Variants in CYP4X1 observed in about 807,000 individuals in gnomAD.
CYP4X1 encodes cytochrome P450 4X1.
Under a neutral mutation model 57.9 loss-of-function variants are expected in CYP4X1, and 44 were observed. That is an observed-to-expected ratio of 0.76 (90% confidence interval 0.60 to 0.98). The LOEUF (loss-of-function observed/expected upper bound fraction) is 0.98, where lower values mean the gene tolerates loss of function less well. CYP4X1 is among the 50% of genes least tolerant of loss of function. CYP4X1 has a pLI of 0.00. For missense variants in CYP4X1, 532 were observed against 623.9 expected (o/e 0.85, Z 1.57); for synonymous variants, 227 against 228.6 (o/e 0.99, Z 0.06).
intron 6 of CYP4X1, among the ~76,000 whole-genome samples, chr1:47,038,241 T>C (rs1644206954): frequency 6.6e-6 from 1 of 152,190 alleles, no homozygotes; most frequent in Non-Finnish European, 1.5e-5. Flanking sequence ...AAATAAATAT[T>C]ACCTCTGTTC....
At chr1:46,965,091 T>C in the CYP4X1 span, among the ~76,000 whole-genome samples, 2 of 152,168 alleles carry the variant, frequency 1.3e-5, no homozygotes, top group Admixed American at 1.3e-4. Flanking sequence ...ATCAGAAAAG[T>C]GCAGTATTAG....
At position 47,050,002 on chromosome 1, in the gene CYP4X1, A is replaced by T. The variant is rs1644345290; in HGVS notation, c.1358A>T (p.Asn453Ile). ...CTTTCTTTCCCTCTTGTCTTCAGGAACTGCATTGGGCAGGAGTTTGCCATG... is the reference window on the plus strand; with the variant it reads ...CTTTCTTTCCCTCTTGTCTTCAGGATCTGCATTGGGCAGGAGTTTGCCATG... ...AYLPFSAGSR[N>I]CIGQEFAMIE... Residue 453 changes from asparagine (N) to isoleucine (I), a missense_variant and splice_region_variant, in exon 12 of 12, where the codon AAC becomes ATC. Coordinates refer to ENST00000371901, the MANE Select transcript of CYP4X1 (RefSeq NM_178033.2). The T allele has an allele frequency of 6.2e-7, 1 of 1,612,544 alleles. No homozygotes were observed. The highest frequency in any genetic ancestry group is 8.5e-7 in the Non-Finnish European group (1 of 1,179,626).
chr1:47,034,224 T>G (rs1027174336), intron 4 of CYP4X1, among the ~76,000 whole-genome samples: 1 of 152,190 alleles, frequency 6.6e-6, no homozygotes, highest in African/African-American at 2.4e-5. Flanking sequence ...ACTTGCCCAG[T>G]GGCTATAAAG....
intron 3 of CYP4X1, among the ~76,000 whole-genome samples, chr1:47,031,919 C>T (rs139211299): frequency 1.5e-3 from 231 of 152,182 alleles, no homozygotes; most frequent in African/African-American, 5.2e-3. Context: ...GCATGTAGGC[C>T]TGTAGTCCCA....
intron 1 of CYP4X1, among the ~76,000 whole-genome samples, chr1:47,026,686 C>T (rs890548099): frequency 2.0e-5 from 3 of 151,934 alleles, no homozygotes; most frequent in East Asian, 1.9e-4. Flanking sequence ...AAAGCCTTTC[C>T]GTTTAGTTAG....
At chr1:46,976,122 G>A in the CYP4X1 span, among the ~76,000 whole-genome samples, 2 of 152,002 alleles carry the variant, frequency 1.3e-5, no homozygotes, top group Non-Finnish European at 2.9e-5. Context: ...CCCATGGAGG[G>A]CAAGCCAAAG....
chr1:47,035,022 C>A (rs1304117353), intron 4 of CYP4X1, among the ~76,000 whole-genome samples: 1 of 151,420 alleles, frequency 6.6e-6, no homozygotes, highest in African/African-American at 2.4e-5. Flanking sequence ...TTTTAAAATT[C>A]TCTTTGCCTT....
At chr1:47,045,330 A>T (rs528592730) in intron 8 of CYP4X1, among the ~76,000 whole-genome samples, 12 of 149,098 alleles carry the variant, frequency 8.0e-5, no homozygotes, top group South Asian at 6.3e-4. Flanking sequence ...ATGCAAATTT[A>T]AAAAAAACTT....
At chr1:47,041,217 A>G (rs1644243232) in intron 8 of CYP4X1, among the ~76,000 whole-genome samples, 1 of 152,236 alleles carries the variant, frequency 6.6e-6, no homozygotes, top group Middle Eastern at 3.4e-3. Flanking sequence ...GTTGATTTCT[A>G]TATCTGGGCT....
At chr1:46,993,979 C>G in the CYP4X1 span, among the ~76,000 whole-genome samples, 16 of 152,182 alleles carry the variant, frequency 1.1e-4, no homozygotes, top group Admixed American at 2.6e-4. Context: ...CATTGCTTTT[C>G]GTGTTTTAGA....
At chr1:46,973,953 T>C in the CYP4X1 span, among the ~76,000 whole-genome samples, 9 of 152,134 alleles carry the variant, frequency 5.9e-5, no homozygotes. Context: ...ATTATTTTTT[T>C]CTGCTAGCTT....
At chr1:46,974,029 C>A in the CYP4X1 span, among the ~76,000 whole-genome samples, 2 of 151,902 alleles carry the variant, frequency 1.3e-5, no homozygotes, top group Non-Finnish European at 2.9e-5. Context: ...AATTTCAGAT[C>A]TTTTAACTTT....
rs376951223 is a variant in CYP4X1 at position 47,036,193 on chromosome 1, C to T, written c.775+22C>T. ...ACAGGTATTTGTTGGGTTTGGGTTGCCCACGTCCATACGCTGCCATGATTG... is the reference window on the plus strand; with the variant it reads ...ACAGGTATTTGTTGGGTTTGGGTTGTCCACGTCCATACGCTGCCATGATTG... On this transcript the variant is annotated intron_variant, in intron 6 of 11. Coordinates refer to ENST00000371901, the MANE Select transcript of CYP4X1 (RefSeq NM_178033.2). 1.4e-5 allele frequency: 23 copies of T among 1,593,716 alleles called. No individual in the cohort carries two copies. In the African/African-American group the frequency reaches 2.5e-4, roughly 18 times the overall value.
At chr1:46,994,099 A>C in the CYP4X1 span, among the ~76,000 whole-genome samples, 1 of 152,164 alleles carries the variant, frequency 6.6e-6, no homozygotes. Context: ...CCTTGAATTA[A>C]TTTTTGTATC....
chr1:47,007,018 A>G, the CYP4X1 span, among the ~76,000 whole-genome samples: 2 of 152,224 alleles, frequency 1.3e-5, no homozygotes, highest in African/African-American at 4.8e-5. Flanking sequence ...ATAGCCAAAC[A>G]AAAGGCAGCA....
chr1:47,043,558 C>G (rs893361798), intron 8 of CYP4X1, among the ~76,000 whole-genome samples: 1 of 152,032 alleles, frequency 6.6e-6, no homozygotes, highest in Non-Finnish European at 1.5e-5. Context: ...GTCATGAAGT[C>G]TTTGCCTAAG....
At chr1:47,018,347 A>G in the CYP4X1 span, among the ~76,000 whole-genome samples, 191 of 152,286 alleles carry the variant, frequency 1.3e-3, no homozygotes, top group African/African-American at 4.4e-3. Flanking sequence ...TGGCTCTATC[A>G]GTTTTTAATA....
the CYP4X1 span, among the ~76,000 whole-genome samples, chr1:46,996,219 T>A: frequency 6.6e-6 from 1 of 152,206 alleles, no homozygotes; most frequent in Non-Finnish European, 1.5e-5. Context: ...GCAACACTAG[T>A]GTCCCCCTGT....
the CYP4X1 span, among the ~76,000 whole-genome samples, chr1:46,971,464 C>A: frequency 2.6e-5 from 4 of 152,250 alleles, no homozygotes; most frequent in African/African-American, 7.2e-5. Context: ...GGTCAAATGG[C>A]AGTTCTATTT....
Sources: allele counts gnomAD v4.1 joint callset (sites outside exome capture counted in the v4.1 genomes callset), GRCh38; gene constraint gnomAD v4.1.1; transcripts MANE v1.5; gene names NCBI Gene and HGNC (gene_info 2026-07-23, HGNC 2026-07-21).